The following NALF1 variants were observed in gnomAD, a reference collection of about 807,000 sequenced individuals.
The protein encoded by NALF1 is family with sequence similarity 155 member A.
Under a neutral mutation model 48.4 loss-of-function variants are expected in NALF1, and 3 were observed. The observed-to-expected ratio is 0.06, with a 90% CI of 0.03 to 0.16. The LOEUF is 0.16. Among genes scored for constraint, NALF1 ranks in the 10% least tolerant of loss-of-function variants. NALF1 has a pLI of 1.00. For missense variants in NALF1, 526 were observed against 571.5 expected (o/e 0.92, Z 0.81); for synonymous variants, 262 against 245.7 (o/e 1.07, Z -0.62).
At chr13:107,351,093 T>C (rs1882863911) in intron 1 of NALF1, among the ~76,000 whole-genome samples, 1 of 152,210 alleles carries the variant, frequency 6.6e-6, no homozygotes, top group African/African-American at 2.4e-5. Context: ...CCGGTAAACC[T>C]TCCTATATGC....
chr13:107,429,339 T>A (rs550291336), intron 1 of NALF1, among the ~76,000 whole-genome samples: 2 of 148,158 alleles, frequency 1.3e-5, no homozygotes, highest in East Asian at 4.0e-4. Context: ...AAAAAAAAGA[T>A]TAGAAAGCAG....
chr13:107,636,299 T>C (rs1455453751), intron 1 of NALF1, among the ~76,000 whole-genome samples: 1 of 152,092 alleles, frequency 6.6e-6, no homozygotes, highest in Non-Finnish European at 1.5e-5. Flanking sequence ...TGAAATAAAA[T>C]ATAGCTGAGT....
At chr13:107,274,030 G>A (rs919198204) in intron 1 of NALF1, among the ~76,000 whole-genome samples, 2 of 69,024 alleles carry the variant, frequency 2.9e-5, no homozygotes, top group African/African-American at 7.2e-5. Flanking sequence ...CCAGTGATCT[G>A]TTTTGATTTT....
intron 1 of NALF1, among the ~76,000 whole-genome samples, chr13:107,845,006 T>A (rs1181460986): frequency 6.6e-6 from 1 of 152,202 alleles, no homozygotes; most frequent in East Asian, 1.9e-4. Flanking sequence ...AAATAAGATT[T>A]AGAGTTTTGG....
intron 1 of NALF1, among the ~76,000 whole-genome samples, chr13:107,368,813 T>C (rs58120356): frequency 0.029 from 4,486 of 152,292 alleles, 206 homozygotes; most frequent in African/African-American, 0.1. Context: ...AATTGGCCTG[T>C]GGACATATCT....
Position 107,355,659 on chromosome 13 carries a change from G to A in NALF1, c.916-144904C>T, listed in dbSNP as rs1594134578. On this transcript the variant is annotated intron_variant, in intron 1 of 2. Transcript: ENST00000375915. ...TTCCCCCTTCTCTTTCTCTCTTGCTGCCACATGAAGACTTGCTTGCTTCCC... is the reference window on the plus strand; with the variant it reads ...TTCCCCCTTCTCTTTCTCTCTTGCTACCACATGAAGACTTGCTTGCTTCCC... Among the ~76,000 whole-genome samples the A allele has an allele frequency of 2.0e-5, 3 of 152,084 alleles. No individual in the cohort carries two copies. The East Asian group carries it at 5.8e-4, about 30-fold the overall frequency.
At chr13:107,853,280 T>C (rs1357767126) in intron 1 of NALF1, among the ~76,000 whole-genome samples, 5 of 152,224 alleles carry the variant, frequency 3.3e-5, no homozygotes, top group Admixed American at 6.5e-5. Flanking sequence ...GGTTGTAATA[T>C]TGAAAACCTG....
chr13:107,723,880 T>C (rs569952751), intron 1 of NALF1, among the ~76,000 whole-genome samples: 53 of 152,334 alleles, frequency 3.5e-4, no homozygotes, highest in African/African-American at 1.3e-3. Context: ...CATGAGAAAC[T>C]GTACAAAGAG....
At chr13:107,776,725 A>C (rs1877741914) in intron 1 of NALF1, among the ~76,000 whole-genome samples, 1 of 152,246 alleles carries the variant, frequency 6.6e-6, no homozygotes, top group Non-Finnish European at 1.5e-5. Context: ...TACTTAAAAT[A>C]CACATGAAAT....
intron 1 of NALF1, among the ~76,000 whole-genome samples, chr13:107,435,333 A>AC (rs1884446861): frequency 1.3e-5 from 2 of 151,904 alleles, no homozygotes; most frequent in Non-Finnish European, 2.9e-5. Flanking sequence ...GATTAGAAAA[A>AC]AAAAAATCAA....
At chr13:107,354,771 A>T (rs941118392) in intron 1 of NALF1, among the ~76,000 whole-genome samples, 8 of 152,136 alleles carry the variant, frequency 5.3e-5, no homozygotes, top group Admixed American at 2.6e-4. Flanking sequence ...GTTCCTCAGT[A>T]AAGTCCCTTA....
chr13:107,535,254 G>T (rs918326535), intron 1 of NALF1, among the ~76,000 whole-genome samples: 2 of 152,066 alleles, frequency 1.3e-5, no homozygotes, highest in South Asian at 4.1e-4. Context: ...CCCCTGTCTT[G>T]TGCCAGTTTT....
intron 1 of NALF1, among the ~76,000 whole-genome samples, chr13:107,467,720 A>C (rs879127902): frequency 1.3e-5 from 2 of 152,164 alleles, no homozygotes; most frequent in Admixed American, 1.3e-4. Flanking sequence ...CCATCAGTAA[A>C]ATTCTTATAC....
intron 1 of NALF1, among the ~76,000 whole-genome samples, chr13:107,350,160 C>T (rs537838728): frequency 2.6e-5 from 4 of 152,298 alleles, no homozygotes; most frequent in South Asian, 2.1e-4. Flanking sequence ...TAACAGGCCA[C>T]GGACCAATAC....
intron 1 of NALF1, among the ~76,000 whole-genome samples, chr13:107,541,780 T>C (rs1464503904): frequency 6.6e-6 from 1 of 152,150 alleles, no homozygotes; most frequent in African/African-American, 2.4e-5. Flanking sequence ...CAGACTCTGC[T>C]ATACTTATTG....
At chr13:107,324,939 T>C (rs1231321395) in intron 1 of NALF1, among the ~76,000 whole-genome samples, 1 of 152,236 alleles carries the variant, frequency 6.6e-6, no homozygotes, top group African/African-American at 2.4e-5. Flanking sequence ...ATTTGTTCAC[T>C]TTAGCCTTCT....
intron 1 of NALF1, among the ~76,000 whole-genome samples, chr13:107,629,061 C>G (rs77496269): frequency 0.022 from 3,349 of 152,224 alleles, 65 homozygotes; most frequent in South Asian, 0.067. Flanking sequence ...TGTACTCTTA[C>G]AACCACACAG....
intron 1 of NALF1, among the ~76,000 whole-genome samples, chr13:107,236,722 TATCTATCTATCTATC>T (rs1838026748): frequency 6.9e-6 from 1 of 144,128 alleles, no homozygotes; most frequent in Middle Eastern, 3.5e-3. Flanking sequence ...TCTATCTATC[TATCTATCTATCTATC>T]ATCTACAGTC....
intron 1 of NALF1, among the ~76,000 whole-genome samples, chr13:107,649,182 A>G (rs1282771704): frequency 6.6e-6 from 1 of 152,194 alleles, no homozygotes; most frequent in African/African-American, 2.4e-5. Context: ...TAAATAGTAT[A>G]CCACCAGTTA....
Sources: gnomAD v4.1 joint callset for allele counts (sites outside exome capture counted in the v4.1 genomes callset) on GRCh38, gnomAD v4.1.1 for gene constraint, MANE v1.5 for transcripts, NCBI Gene and HGNC (gene_info 2026-07-23, HGNC 2026-07-21) for gene names.